Variants in ELF2 observed in about 807,000 individuals in gnomAD.
The protein encoded by ELF2 is E74 like ETS transcription factor 2, also known as ETS-related transcription factor Elf-2.
ELF2 carries 11 observed loss-of-function variants against 54.8 expected under a neutral mutation model. The observed-to-expected ratio is 0.20, with a 90% confidence interval of 0.13 to 0.33. The LOEUF (loss-of-function observed/expected upper bound fraction) is 0.33, where lower values mean the gene tolerates loss of function less well. Ranked by LOEUF, ELF2 falls within the 10% of genes least tolerant of loss-of-function variation. The pLI, the probability that ELF2 is intolerant of heterozygous loss-of-function variation, is 1.00. For missense variants in ELF2, 513 were observed against 703.0 expected (o/e 0.73, Z 3.06); for synonymous variants, 203 against 245.1 (o/e 0.83, Z 1.61).
In ELF2 at chr4:139,084,459, C is replaced by CTGT. The variant is rs1553957954; in HGVS notation, c.239-10893_239-10892insACA. On this transcript the variant is annotated intron_variant, in intron 4 of 9. Coordinates refer to ENST00000686138, the MANE Select transcript of ELF2 (RefSeq NM_001331036.3). Reference sequence around the variant, plus strand: ...GCAGGGGCGGCGGCGGCGGCGGCGGCGGCTGTGGCTGTGGCGGCCGCCGCA... The same window carrying CTGT: ...GCAGGGGCGGCGGCGGCGGCGGCGGCTGTGGCTGTGGCTGTGGCGGCCGCCGCA... 29 of 1,150,612 alleles carry CTGT rather than the reference C, an allele frequency of 2.5e-5. No individual in the cohort carries two copies. In the South Asian group the frequency reaches 8.7e-4, roughly 35 times the overall value. The allele number at this position is 1,150,612 out of a possible 1,614,324, so 71.3% of individuals were successfully genotyped here. A position where few individuals can be genotyped will look rare whatever the true frequency, so the allele number is the denominator to read the frequency against.
intron 4 of ELF2, among the ~76,000 whole-genome samples, chr4:139,092,414 T>TAACATACATAACATA (rs70940488): frequency 6.8e-5 from 6 of 87,810 alleles, no homozygotes; most frequent in African/African-American, 2.6e-4. Context: ...TAACATAACA[T>TAACATACATAACATA]ACATAACATA....
At chr4:139,078,762 C>T (rs1049978297) in intron 4 of ELF2, among the ~76,000 whole-genome samples, 3 of 152,020 alleles carry the variant, frequency 2.0e-5, no homozygotes, top group Non-Finnish European at 4.4e-5. Flanking sequence ...TGTAATTCAG[C>T]TATCCTCCGA....
chr4:139,166,111 G>A (rs1741695024), intron 1 of ELF2, among the ~76,000 whole-genome samples: 1 of 152,120 alleles, frequency 6.6e-6, no homozygotes, highest in Admixed American at 6.6e-5. Flanking sequence ...GCCGAGACGG[G>A]CGGATCACCT....
At position 139,114,561 on chromosome 4, in the gene ELF2, T is replaced by TCCAGTCTCTCTCACA. The variant is rs70940492; in HGVS notation, c.238+10602_238+10603insTGTGAGAGAGACTGG. Among the ~76,000 whole-genome samples, 7 of 108,646 alleles carry TCCAGTCTCTCTCACA rather than the reference T, an allele frequency of 6.4e-5. No individual in the cohort carries two copies. The South Asian group carries it at 1.9e-3, about 30-fold the overall frequency. The allele number at this position is 108,646 out of a possible 152,430, so 71.3% of individuals were successfully genotyped here. A position where few individuals can be genotyped will look rare whatever the true frequency, so the allele number is the denominator to read the frequency against. On this transcript the variant is annotated intron_variant, in intron 4 of 9. Transcript: ENST00000686138. ...CTGGCAACAGAGCGAGACTTCAGTC[T>TCCAGTCTCTCTCACA]CACACACACACACACACACACACAC...
chr4:139,127,553 ATAAAGAAAAG>A (rs1737045026), intron 3 of ELF2, among the ~76,000 whole-genome samples: 1 of 152,100 alleles, frequency 6.6e-6, no homozygotes, highest in Admixed American at 6.5e-5. Context: ...TGGCAAAACT[ATAAAGAAAAG>A]TAAAGAAATT....
At chr4:139,118,816 TAAAG>T (rs1379130839) in intron 4 of ELF2, among the ~76,000 whole-genome samples, 1 of 152,186 alleles carries the variant, frequency 6.6e-6, no homozygotes, top group Non-Finnish European at 1.5e-5. Context: ...CTAATGAAGT[TAAAG>T]AAACTCTGTC....
intron 4 of ELF2, among the ~76,000 whole-genome samples, chr4:139,074,532 C>T (rs917831829): frequency 3.3e-5 from 5 of 151,770 alleles, no homozygotes; most frequent in South Asian, 4.2e-4. Flanking sequence ...GAGGCCAAGG[C>T]GTGCGGATCA....
chr4:139,119,181 T>C (rs1307756982), intron 4 of ELF2, among the ~76,000 whole-genome samples: 1 of 152,246 alleles, frequency 6.6e-6, no homozygotes, highest in Admixed American at 6.5e-5. Flanking sequence ...GAGACAAATA[T>C]AGAATTTACG....
At chr4:139,146,360 T>C (rs1739224288) in intron 1 of ELF2, among the ~76,000 whole-genome samples, 1 of 152,138 alleles carries the variant, frequency 6.6e-6, no homozygotes, top group Non-Finnish European at 1.5e-5. Context: ...CAAACACTGA[T>C]GAAAGAAACC....
At chr4:139,111,576 G>A (rs1262815760) in intron 4 of ELF2, among the ~76,000 whole-genome samples, 1 of 147,512 alleles carries the variant, frequency 6.8e-6, no homozygotes, top group African/African-American at 2.5e-5. Context: ...CACCAGCCTA[G>A]ATAAATACCT....
chr4:139,075,192 T>C (rs114183663), intron 4 of ELF2, among the ~76,000 whole-genome samples: 71 of 152,340 alleles, frequency 4.7e-4, no homozygotes, highest in African/African-American at 1.6e-3. Context: ...TGTAAAACAA[T>C]GTGTACAGCA....
At chr4:139,080,203 G>A (rs1730905315) in intron 4 of ELF2, among the ~76,000 whole-genome samples, 1 of 152,170 alleles carries the variant, frequency 6.6e-6, no homozygotes, top group Non-Finnish European at 1.5e-5. Flanking sequence ...ACTGACTGAT[G>A]TGACCATGTA....
intron 7 of ELF2, among the ~76,000 whole-genome samples, chr4:139,064,917 G>T (rs1728463271): frequency 6.6e-6 from 1 of 151,918 alleles, no homozygotes; most frequent in Non-Finnish European, 1.5e-5. Context: ...CAAAAAAAAT[G>T]ACTTTTAACT....
chr4:139,084,246 C>T (rs764871240), intron 4 of ELF2: 62 of 1,609,590 alleles, frequency 3.9e-5, no homozygotes, highest in Non-Finnish European at 5.1e-5. Context: ...TGAGCAGCGG[C>T]GGCAGGGGAG....
chr4:139,115,282 C>T (rs1260325894), intron 4 of ELF2: 6 of 1,599,292 alleles, frequency 3.8e-6, no homozygotes, highest in Non-Finnish European at 4.3e-6. Context: ...GGGGGGGGCT[C>T]TGAAAGTAGA....
Position 139,061,888 on chromosome 4 carries a change from A to G in ELF2, c.783T>C (p.Tyr261=). 1 of 1,613,302 alleles carries G rather than the reference A, an allele frequency of 6.2e-7. No individual in the cohort carries two copies. Among genetic ancestry groups the G allele is most frequent in the East Asian group, 2.2e-5 (1 of 44,840 alleles). The change falls in exon 8 of 10, where the codon TAT becomes TAC. Residue 261 remains tyrosine (Y), a synonymous_variant. Coordinates refer to ENST00000686138, the MANE Select transcript of ELF2 (RefSeq NM_001331036.3). ...ACCTCAAAGCTCGTCCCATGGTTTC[A>G]TAGTTCATGTCTGGTTTGTTCTTAT... The part of the protein sequence containing the change: ...GKHKNKPDMN[Y]ETMGRALRYY...
chr4:139,072,159 T>A, intron 5 of ELF2, 120 bp from the exon 6 acceptor site: 1 of 933,062 alleles, frequency 1.1e-6, no homozygotes, highest in Non-Finnish European at 1.6e-6. Flanking sequence ...GATAAGAGCT[T>A]AATACTGAAG....
intron 1 of ELF2, among the ~76,000 whole-genome samples, chr4:139,156,381 G>A (rs568715316): frequency 1.3e-5 from 2 of 152,118 alleles, no homozygotes; most frequent in East Asian, 1.9e-4. Context: ...GGGTTTCACC[G>A]TGTTAGCCAG....
At chr4:139,116,761 C>A in intron 4 of ELF2, 4 of 983,162 alleles carry the variant, frequency 4.1e-6, no homozygotes, top group Non-Finnish European at 4.8e-6. Flanking sequence ...CCTGTGGCAA[C>A]AATATTTTCT....
Sources: gnomAD v4.1 joint callset for allele counts (sites outside exome capture counted in the v4.1 genomes callset) on GRCh38, gnomAD v4.1.1 for gene constraint, MANE v1.5 for transcripts, NCBI Gene and HGNC (gene_info 2026-07-23, HGNC 2026-07-21) for gene names.